OSBPL8: variants seen among roughly 807,000 people sequenced by gnomAD.
OSBPL8 encodes the protein oxysterol binding protein like 8.
In OSBPL8, 59 loss-of-function variants were observed where a neutral mutation model predicts 125.5. The observed-to-expected ratio is 0.47, with a 90% CI of 0.38 to 0.58. The LOEUF (loss-of-function observed/expected upper bound fraction) is 0.58. Ranked by LOEUF, OSBPL8 falls within the 20% of genes least tolerant of loss-of-function variation. The pLI is 0.00. For missense variants in OSBPL8, 758 were observed against 1,047.8 expected, an observed-to-expected ratio of 0.72 and a Z score of 3.82; for synonymous variants, 330 against 338.9, an observed-to-expected ratio of 0.97 and a Z score of 0.29.
intron 2 of OSBPL8, among the ~76,000 whole-genome samples, chr12:76,463,781 G>C (rs1875035235): frequency 1.3e-5 from 2 of 152,192 alleles, no homozygotes; most frequent in South Asian, 4.1e-4. Flanking sequence ...AGAGTTGCTT[G>C]TAAGTGATGC....
chr12:76,484,148 T>C (rs755891163), intron 2 of OSBPL8, among the ~76,000 whole-genome samples: 20 of 152,214 alleles, frequency 1.3e-4, no homozygotes, highest in Non-Finnish European at 2.8e-4. Context: ...TATCCATCAT[T>C]ATTCCTCTAA....
At chr12:76,508,063 C>G (rs536080095) in intron 1 of OSBPL8, among the ~76,000 whole-genome samples, 1 of 150,996 alleles carries the variant, frequency 6.6e-6, no homozygotes, top group Non-Finnish European at 1.5e-5. Context: ...CCCAGCTACT[C>G]GCAAGGCTGA....
At position 76,352,114 on chromosome 12, in the gene OSBPL8, T is replaced by C. The variant is rs149543591; in HGVS notation, c.*3775A>G. On this transcript the variant is annotated 3_prime_UTR_variant, in exon 24 of 24. Coordinates refer to ENST00000261183, the MANE Select transcript of OSBPL8 (RefSeq NM_020841.5). ...CAGAACATTTAAACTCAGATGTATA[T>C]TTAGCATGCTAAAAAGTGAAAAAAA... 443 of 152,694 alleles carry C rather than the reference T, an allele frequency of 2.9e-3. 2 individuals carry two copies. Among genetic ancestry groups the C allele is most frequent in the African/African-American group, 0.01 (426 of 41,562 alleles). 9.5% of individuals were successfully genotyped at this position (152,694 alleles called of 1,614,324 possible). A position where few individuals can be genotyped will look rare whatever the true frequency, so the allele number is the denominator to read the frequency against.
At chr12:76,543,333 C>G (rs1347540038) in intron 1 of OSBPL8, among the ~76,000 whole-genome samples, 1 of 152,094 alleles carries the variant, frequency 6.6e-6, no homozygotes, top group African/African-American at 2.4e-5. Context: ...AATGAGGACA[C>G]TTCATTAAAG....
chr12:76,428,881 C>T (rs17197538), intron 4 of OSBPL8, among the ~76,000 whole-genome samples: 31,490 of 151,908 alleles, frequency 0.21, 3,509 homozygotes, highest in Non-Finnish European at 0.27. Context: ...AGCACATAAA[C>T]CAAAATGGGA....
intron 10 of OSBPL8, among the ~76,000 whole-genome samples, chr12:76,391,381 C>T (rs1417312949): frequency 1.3e-5 from 2 of 152,054 alleles, no homozygotes; most frequent in Admixed American, 6.5e-5. Flanking sequence ...AAAGAGGTTC[C>T]AACAAATACC....
chr12:76,516,766 A>G (rs1328627413), intron 1 of OSBPL8, among the ~76,000 whole-genome samples: 1 of 152,080 alleles, frequency 6.6e-6, no homozygotes, highest in Admixed American at 6.5e-5. Flanking sequence ...AATCCTCTCA[A>G]CATTATGCCA....
At chr12:76,421,103 G>C (rs1181456344) in intron 4 of OSBPL8, among the ~76,000 whole-genome samples, 2 of 151,944 alleles carry the variant, frequency 1.3e-5, no homozygotes, top group Non-Finnish European at 2.9e-5. Flanking sequence ...TGATTATTCT[G>C]TAAAGCTAAG....
intron 1 of OSBPL8, among the ~76,000 whole-genome samples, chr12:76,492,423 G>A (rs1471333721): frequency 2.0e-5 from 3 of 152,136 alleles, no homozygotes; most frequent in African/African-American, 4.8e-5. Flanking sequence ...TGGTCCTGTG[G>A]GCCAGGTGTT....
chr12:76,466,883 C>CG (rs1358179871), intron 2 of OSBPL8, among the ~76,000 whole-genome samples: 2 of 151,564 alleles, frequency 1.3e-5, no homozygotes, highest in Non-Finnish European at 2.9e-5. Flanking sequence ...TCGCTTGAAC[C>CG]CGGGGGCGGG....
rs573892180 is a variant in OSBPL8 at position 76,491,370 on chromosome 12, A to C, written c.-67-3752T>G. Among the ~76,000 whole-genome samples, 8 of 152,304 alleles carry C rather than the reference A, an allele frequency of 5.3e-5. No individual in the cohort carries two copies. The South Asian group carries it at 1.7e-3, about 32-fold the overall frequency. ...TCAAACAGATAACAAAGCCAAAACCAATAAAATCAGTAGACTTCTAATCAT... is the reference window on the plus strand; with the variant it reads ...TCAAACAGATAACAAAGCCAAAACCCATAAAATCAGTAGACTTCTAATCAT... On this transcript the variant is annotated intron_variant, in intron 1 of 23. Coordinates refer to ENST00000261183, the MANE Select transcript of OSBPL8 (RefSeq NM_020841.5).
chr12:76,551,350 T>C (rs1479251162), intron 1 of OSBPL8, among the ~76,000 whole-genome samples: 1 of 152,214 alleles, frequency 6.6e-6, no homozygotes, highest in Non-Finnish European at 1.5e-5. Context: ...TCTGGCAATA[T>C]CTTGAAACAT....
intron 1 of OSBPL8, among the ~76,000 whole-genome samples, chr12:76,546,662 A>G (rs1950791173): frequency 6.6e-6 from 1 of 152,198 alleles, no homozygotes; most frequent in African/African-American, 2.4e-5. Flanking sequence ...CAATCGGTCA[A>G]CAAGAAATTA....
chr12:76,434,135 T>A (rs1221728561), intron 4 of OSBPL8, among the ~76,000 whole-genome samples: 1 of 152,078 alleles, frequency 6.6e-6, no homozygotes, highest in Non-Finnish European at 1.5e-5. Context: ...CAAAATGGTA[T>A]AGCATTGGCA....
At chr12:76,377,740 A>C (rs1264389099) in intron 16 of OSBPL8, among the ~76,000 whole-genome samples, 1 of 152,190 alleles carries the variant, frequency 6.6e-6, no homozygotes, top group Non-Finnish European at 1.5e-5. Context: ...AACTGATGCA[A>C]AATAGTTGAA....
intron 2 of OSBPL8, among the ~76,000 whole-genome samples, chr12:76,486,785 C>T (rs1171534692): frequency 2.0e-5 from 3 of 151,890 alleles, no homozygotes; most frequent in Non-Finnish European, 2.9e-5. Context: ...TGTTTCATTC[C>T]CACTATTACT....
At chr12:76,541,919 C>T (rs769990255) in intron 1 of OSBPL8, among the ~76,000 whole-genome samples, 1 of 152,122 alleles carries the variant, frequency 6.6e-6, no homozygotes, top group Non-Finnish European at 1.5e-5. Context: ...CGCCTGCAAT[C>T]CCAGCACTTT....
rs78650342 is a variant in OSBPL8 at position 76,468,355 on chromosome 12, T to C, written c.43-8460A>G. Among the ~76,000 whole-genome samples, 488 of 152,346 alleles carry C rather than the reference T, an allele frequency of 3.2e-3. 1 individual carries two copies. Among genetic ancestry groups the C allele is most frequent in the Non-Finnish European group, 5.6e-3 (379 of 68,024 alleles). On this transcript the variant is annotated intron_variant, in intron 2 of 23. Coordinates refer to ENST00000261183, the MANE Select transcript of OSBPL8 (RefSeq NM_020841.5). ...CTATGAGATGGTCTCACATCTCCACTTAACTCAAACTCCACTTAGCTAAAA... is the reference window on the plus strand; with the variant it reads ...CTATGAGATGGTCTCACATCTCCACCTAACTCAAACTCCACTTAGCTAAAA...
chr12:76,358,693 T>G lies in OSBPL8; in HGVS notation c.2434+13A>C. On this transcript the variant is annotated intron_variant, in intron 22 of 23. Coordinates refer to ENST00000261183, the MANE Select transcript of OSBPL8 (RefSeq NM_020841.5). ...AAGTTAGACTCTCATTAGTCTGCAA[T>G]AAATATTTTTACCTTCACTTCCAGA... 6.3e-7 allele frequency: 1 copy of G among 1,579,394 alleles called. No homozygotes were observed. Among genetic ancestry groups the G allele is most frequent in the Non-Finnish European group, 8.7e-7 (1 of 1,148,680 alleles).
Sources: allele counts gnomAD v4.1 joint callset (sites outside exome capture counted in the v4.1 genomes callset), GRCh38; gene constraint gnomAD v4.1.1; transcripts MANE v1.5; gene names NCBI Gene and HGNC (gene_info 2026-07-23, HGNC 2026-07-21).